The following ZC3H14 variants were observed in gnomAD, a reference collection of about 807,000 sequenced individuals.
The protein encoded by ZC3H14 is zinc finger CCCH-type containing 14, also known as zinc finger CCCH domain-containing protein 14.
A neutral mutation model predicts 92.4 loss-of-function variants in ZC3H14; 31 were observed. The observed-to-expected ratio is 0.34, with a 90% CI of 0.25 to 0.45. The LOEUF (loss-of-function observed/expected upper bound fraction) is 0.45, where lower values mean the gene tolerates loss of function less well. Among genes scored for constraint, ZC3H14 ranks in the 20% least tolerant of loss-of-function variants. The probability of loss-of-function intolerance (pLI) is 1.00; values close to 1 mark genes in which losing one functional copy is unlikely to be tolerated. For synonymous variants in ZC3H14, 321 were observed against 300.9 expected (o/e 1.07, Z -0.69); for missense variants, 781 against 897.3 (o/e 0.87, Z 1.66).
rs764230431 is a variant in ZC3H14, at chr14:88,601,909, AT to A, written c.1355-8del. 2.5e-6 allele frequency: 4 copies of A among 1,613,432 alleles called. No individual in the cohort carries two copies. The highest frequency in any genetic ancestry group is 1.3e-5 in the African/African-American group (1 of 75,038). On this transcript the variant is annotated splice_polypyrimidine_tract_variant and intron_variant, in intron 10 of 16. Coordinates refer to ENST00000251038, the MANE Select transcript of ZC3H14 (RefSeq NM_024824.5). ...ATTCAAAAGTAAACATTTGTGGCCA[AT>A]TTTTTTGGCTCAGATTACTATGACA...
At chr14:88,596,016 A>G (rs918583104) in intron 9 of ZC3H14, among the ~76,000 whole-genome samples, 2 of 152,226 alleles carry the variant, frequency 1.3e-5, no homozygotes, top group Non-Finnish European at 2.9e-5. Context: ...GAGGATGGAA[A>G]AAAATCAGTT....
intron 10 of ZC3H14, among the ~76,000 whole-genome samples, chr14:88,597,498 C>G (rs377129342): frequency 1.3e-5 from 2 of 152,172 alleles, no homozygotes; most frequent in African/African-American, 4.8e-5. Flanking sequence ...TCCCTAGACC[C>G]CTCTCAGTCA....
chr14:88,582,752 T>A (rs2082050911), intron 9 of ZC3H14, among the ~76,000 whole-genome samples: 1 of 152,196 alleles, frequency 6.6e-6, no homozygotes, highest in East Asian at 1.9e-4. Context: ...ATGAGGAGTT[T>A]GGTATTACTA....
chr14:88,582,948 CTTTATT>C (rs1167763166), intron 9 of ZC3H14, among the ~76,000 whole-genome samples: 1 of 151,960 alleles, frequency 6.6e-6, no homozygotes, highest in Non-Finnish European at 1.5e-5. Flanking sequence ...TCTCTGGTGT[CTTTATT>C]TTTACTAGCG....
At chr14:88,583,436 A>T (rs1426102859) in intron 9 of ZC3H14, among the ~76,000 whole-genome samples, 1 of 151,936 alleles carries the variant, frequency 6.6e-6, no homozygotes, top group Non-Finnish European at 1.5e-5. Flanking sequence ...CTTTTAATTT[A>T]TCCTTCCATA....
chr14:88,622,516 G>C lies in ZC3H14; in HGVS notation c.*10765G>C. 1 of 1,053,510 alleles carries C rather than the reference G, an allele frequency of 9.5e-7. No homozygotes were observed. Among genetic ancestry groups the C allele is most frequent in the Non-Finnish European group, 1.3e-6 (1 of 746,432 alleles). The allele number at this position is 1,053,510 out of a possible 1,614,324, so 65.3% of individuals were successfully genotyped here. The stretch of plus-strand genomic sequence containing the variant: ...CCATCGTTATGCATTATTAAGTATT[G>C]TTCATTAGGCTGCAAAGGGTGAGGG... On this transcript the variant is annotated 3_prime_UTR_variant, in exon 17 of 17. Transcript: ENST00000251038.
rs1394575040 is a variant in ZC3H14, at chr14:88,625,065, C to T, written c.*13314C>T. Reference sequence around the variant, plus strand: ...TGTGAGCTCTCGCCACGATTCTACACAATATGTGATCTTTCCACACACAGA... The same window carrying T: ...TGTGAGCTCTCGCCACGATTCTACATAATATGTGATCTTTCCACACACAGA... On this transcript the variant is annotated 3_prime_UTR_variant, in exon 17 of 17. Coordinates refer to ENST00000251038, the MANE Select transcript of ZC3H14 (RefSeq NM_024824.5). 1 of 1,613,920 alleles carries T rather than the reference C, an allele frequency of 6.2e-7. No homozygotes were observed. The highest frequency in any genetic ancestry group is 8.5e-7 in the Non-Finnish European group (1 of 1,179,842).
chr14:88,575,891 T>C lies in ZC3H14; in HGVS notation c.1074T>C (p.Ala358=). 1 of 1,613,948 alleles carries C rather than the reference T, an allele frequency of 6.2e-7. No individual in the cohort carries two copies. The highest frequency in any genetic ancestry group is 8.5e-7 in the Non-Finnish European group (1 of 1,179,940). The change falls in exon 8 of 17, where the codon GCT becomes GCC. Residue 358 remains alanine, a synonymous_variant. Coordinates refer to ENST00000251038, the MANE Select transcript of ZC3H14 (RefSeq NM_024824.5). ...CTAACAAGAATCTGATTTTGAAGGC[T>C]ATATCTGAAGCTCAAGAATCCGTAA... ...KQANKNLILK[A]ISEAQESVTK...
chr14:88,563,555 G>C (rs1237535300), intron 1 of ZC3H14, 96 bp from the exon 2 acceptor site: 8 of 1,584,924 alleles, frequency 5.0e-6, no homozygotes, highest in Non-Finnish European at 6.9e-6. Context: ...GATCCGAGGT[G>C]CGCGCACCAG....
At chr14:88,563,530 AG>A in intron 1 of ZC3H14, 120 bp from the exon 2 acceptor site, 1 of 1,577,846 alleles carries the variant, frequency 6.3e-7, no homozygotes, top group Non-Finnish European at 8.7e-7. Flanking sequence ...GGCTCCTCCC[AG>A]CCCCCGCCCG....
At chr14:88,565,374 C>T (rs1271711930) in intron 2 of ZC3H14, among the ~76,000 whole-genome samples, 2 of 152,104 alleles carry the variant, frequency 1.3e-5, no homozygotes, top group Non-Finnish European at 2.9e-5. Context: ...AACTCCTGAC[C>T]TTGTGATTCG....
In ZC3H14 at chr14:88,577,992, G is replaced by C. The variant is rs1340366266; in HGVS notation, c.1131G>C (p.Gln377His). The C allele has an allele frequency of 6.2e-7, 1 of 1,614,088 alleles. No individual in the cohort carries two copies. Among genetic ancestry groups the C allele is most frequent in the African/African-American group, 1.3e-5 (1 of 75,020 alleles). The change falls in exon 9 of 17, where the codon CAG becomes CAC. Residue 377 changes from glutamine to histidine, a missense_variant. By Grantham distance (24) the Gln-to-His change is conservative. Around this residue, in one of 3 missense-constraint regions of ZC3H14, gnomAD observed 454 missense variants for 438.5 expected, o/e 1.04. Coordinates refer to ENST00000251038, the MANE Select transcript of ZC3H14 (RefSeq NM_024824.5). ...TKTTNYSTVP[Q>H]KQTLPVAPRT... ...TTTGCTTTTATGTGAAAGTTCCACA[G>C]AAACAGACACTTCCAGTTGCTCCCA... is the stretch of plus-strand genomic sequence containing the variant.
At position 88,616,155 on chromosome 14, in the gene ZC3H14, C is replaced by T; in HGVS notation, c.*4404C>T. 6.2e-7 allele frequency: 1 copy of T among 1,613,880 alleles called. No individual in the cohort carries two copies. The highest frequency in any genetic ancestry group is 8.5e-7 in the Non-Finnish European group (1 of 1,179,800). On this transcript the variant is annotated 3_prime_UTR_variant, in exon 17 of 17. Transcript: ENST00000251038. The stretch of plus-strand genomic sequence containing the variant: ...AAAGTTACTAACCTGCAGTCATCAC[C>T]TCCAGCACTAACAACATGTCGATCA...
At chr14:88,563,319 G>T in intron 1 of ZC3H14, 150 bp downstream of exon 1, 1 of 1,514,340 alleles carries the variant, frequency 6.6e-7, no homozygotes, top group East Asian at 2.5e-5. Flanking sequence ...CGTCCAGGCC[G>T]CCTCGGCCCT....
At position 88,578,077 on chromosome 14, in the gene ZC3H14, C is replaced by T. The variant is rs2081393954; in HGVS notation, c.1216C>T (p.Pro406Ser). 1.2e-6 allele frequency: 2 copies of T among 1,613,976 alleles called. No homozygotes were observed. The highest frequency in any genetic ancestry group is 1.7e-6 in the Non-Finnish European group (2 of 1,179,992). The change falls in exon 9 of 17, where the codon CCC (proline) becomes TCC (serine). Residue 406 changes from proline to serine, a missense_variant. Pro to Ser is a moderately conservative substitution (Grantham distance 74). Coordinates refer to ENST00000251038, the MANE Select transcript of ZC3H14 (RefSeq NM_024824.5). ...AEVVQGQSRT[P>S]RISPPIKEEE... ...AGTGGTCCAGGGACAAAGTAGGACC[C>T]CCAGAATAAGTCCCCCCATTAAAGA...
rs981834675 is a variant in ZC3H14, at chr14:88,627,400, A to G, written c.*15649A>G. 1 of 492,746 alleles carries G rather than the reference A, an allele frequency of 2.0e-6. No homozygotes were observed. The highest frequency in any genetic ancestry group is 1.9e-5 in the African/African-American group (1 of 51,620). 30.5% of individuals were successfully genotyped at this position (492,746 alleles called of 1,614,324 possible). A position where few individuals can be genotyped will look rare whatever the true frequency, so the allele number is the denominator to read the frequency against. ...TAAATACATAGTTTCTTGCTGGAAG[A>G]AAATAGCAGTGAATCATTTATAATG... On this transcript the variant is annotated 3_prime_UTR_variant, in exon 17 of 17. Transcript: ENST00000251038.
rs1309139111 is a variant in ZC3H14 at position 88,621,992 on chromosome 14, T to TA, written c.*10244dup. 1 of 407,950 alleles carries TA rather than the reference T, an allele frequency of 2.5e-6. No homozygotes were observed. The highest frequency in any genetic ancestry group is 2.0e-5 in the African/African-American group (1 of 49,238). The allele number at this position is 407,950 out of a possible 1,614,324, so 25.3% of individuals were successfully genotyped here. ...AACATACTATTCCTATCTGGCTGTG[T>TA]AAACTTGTATCCTTTAACCAGTCCT... On this transcript the variant is annotated 3_prime_UTR_variant, in exon 17 of 17. Transcript: ENST00000251038.
chr14:88,627,361 CAAATCATTAATAATAA>C lies in ZC3H14; in HGVS notation c.*15612_*15627del. 2 of 450,234 alleles carry C rather than the reference CAAATCATTAATAATAA, an allele frequency of 4.4e-6. No individual in the cohort carries two copies. The highest frequency in any genetic ancestry group is 7.8e-6 in the Non-Finnish European group (2 of 255,934). The allele number at this position is 450,234 out of a possible 1,614,324, so 27.9% of individuals were successfully genotyped here. On this transcript the variant is annotated 3_prime_UTR_variant, in exon 17 of 17. Transcript: ENST00000251038. ...TTTCATAAGAATCTCCAAAACCAATCAAATCATTAATAATAAATACATAGTTTCTTGCTGGAAGAAA... is the reference window on the plus strand; with the variant it reads ...TTTCATAAGAATCTCCAAAACCAATCATACATAGTTTCTTGCTGGAAGAAA...
At chr14:88,578,837 A>G (rs1195847519) in intron 9 of ZC3H14, among the ~76,000 whole-genome samples, 1 of 104,964 alleles carries the variant, frequency 9.5e-6, no homozygotes, top group Non-Finnish European at 1.8e-5. Flanking sequence ...CCCAATTCCT[A>G]TACAATCTTT....
Sources: gnomAD v4.1 joint callset for allele counts (sites outside exome capture counted in the v4.1 genomes callset) on GRCh38, gnomAD v4.1.1 for gene constraint, gnomAD v4.1.1 regional missense constraint, MANE v1.5 for transcripts, NCBI Gene and HGNC (gene_info 2026-07-23, HGNC 2026-07-21) for gene names.